ANO10: variants seen among roughly 807,000 people sequenced by gnomAD.
The protein encoded by ANO10 is anoctamin 10, also known as anoctamin-10.
A neutral mutation model predicts 74.7 loss-of-function variants in ANO10; 77 were observed. The ratio of observed to expected loss-of-function variants is 1.03; its 90% CI spans 0.86 to 1.25. ANO10 has a LOEUF of 1.25. Ranked by LOEUF, ANO10 falls within the 50% of genes most tolerant of loss-of-function variation. The pLI is 0.00. For synonymous variants in ANO10, 279 were observed against 284.9 expected, an observed-to-expected ratio of 0.98 and a Z score of 0.21; for missense variants, 721 against 778.1, an observed-to-expected ratio of 0.93 and a Z score of 0.87.
intron 1 of ANO10, among the ~76,000 whole-genome samples, chr3:43,651,746 C>A (rs1035186955): frequency 6.6e-6 from 1 of 152,066 alleles, no homozygotes; most frequent in Non-Finnish European, 1.5e-5. Context: ...CTTGCCTGGC[C>A]CTTAATAACA....
At chr3:43,632,844 T>C (rs1486813431) in intron 1 of ANO10, among the ~76,000 whole-genome samples, 1 of 152,186 alleles carries the variant, frequency 6.6e-6, no homozygotes, top group East Asian at 1.9e-4. Flanking sequence ...ATAATGAAAA[T>C]AGTTTAGATG....
chr3:43,387,040 A>C (rs1049855537), intron 12 of ANO10, among the ~76,000 whole-genome samples: 1 of 152,156 alleles, frequency 6.6e-6, no homozygotes, highest in Non-Finnish European at 1.5e-5. Context: ...ACGTTCTGAG[A>C]ACTGTATTGT....
chr3:43,466,388 C>CAACAA (rs1553677056), intron 11 of ANO10, among the ~76,000 whole-genome samples: 25 of 87,462 alleles, frequency 2.9e-4, no homozygotes, highest in African/African-American at 5.8e-4. Context: ...AAAAAAAAAA[C>CAACAA]AAACAAAAAA....
chr3:43,572,345 G>C (rs919309787), intron 7 of ANO10, among the ~76,000 whole-genome samples: 1 of 152,160 alleles, frequency 6.6e-6, no homozygotes, highest in African/African-American at 2.4e-5. Context: ...GCACTGGCAA[G>C]AAGGACCCTA....
chr3:43,626,064 G>A (rs1471815251), upstream of ANO10, among the ~76,000 whole-genome samples: 2 of 151,848 alleles, frequency 1.3e-5, no homozygotes, highest in Non-Finnish European at 2.9e-5. Context: ...CTCCCAAGAA[G>A]CTGGGACTAC....
chr3:43,402,802 A>C (rs2092507272), intron 12 of ANO10, among the ~76,000 whole-genome samples: 1 of 152,202 alleles, frequency 6.6e-6, no homozygotes, highest in African/African-American at 2.4e-5. Context: ...CCCTATTAAA[A>C]ACAACTGAAC....
At chr3:43,530,727 A>C (rs1575354744) in intron 11 of ANO10, among the ~76,000 whole-genome samples, 1 of 152,286 alleles carries the variant, frequency 6.6e-6, no homozygotes, top group South Asian at 2.1e-4. Flanking sequence ...TGTTGTTAAT[A>C]TCTTACTGTC....
chr3:43,567,011 AAGGCTCG>A (rs1261996120), intron 7 of ANO10, among the ~76,000 whole-genome samples: 1 of 152,202 alleles, frequency 6.6e-6, no homozygotes, highest in South Asian at 2.1e-4. Flanking sequence ...GCTGAAAACC[AAGGCTCG>A]AGAACTACGT....
chr3:43,479,313 T>G (rs1189043852), intron 11 of ANO10, among the ~76,000 whole-genome samples: 1 of 152,228 alleles, frequency 6.6e-6, no homozygotes, highest in Non-Finnish European at 1.5e-5. Flanking sequence ...TTATCCTATT[T>G]ACATTTTAAA....
intron 11 of ANO10, among the ~76,000 whole-genome samples, chr3:43,493,468 A>T (rs971554764): frequency 6.6e-6 from 1 of 152,250 alleles, no homozygotes; most frequent in Non-Finnish European, 1.5e-5. Flanking sequence ...TCTTCAGGAC[A>T]TCAGACAATT....
chr3:43,498,247 G>A (rs1189214890), intron 11 of ANO10, among the ~76,000 whole-genome samples: 1 of 152,176 alleles, frequency 6.6e-6, no homozygotes, highest in African/African-American at 2.4e-5. Context: ...GGAGACAGTG[G>A]GAGTTTTCCT....
At chr3:43,372,968 C>T (rs2091670976) in intron 12 of ANO10, 6 of 972,052 alleles carry the variant, frequency 6.2e-6, no homozygotes, top group Non-Finnish European at 9.0e-6. Flanking sequence ...TCATGTAACA[C>T]ATATTCAAGT....
chr3:43,467,528 G>A (rs999572886), intron 11 of ANO10, among the ~76,000 whole-genome samples: 4 of 152,214 alleles, frequency 2.6e-5, no homozygotes, highest in Admixed American at 2.6e-4. Flanking sequence ...ATGAATTTCT[G>A]TAACAGGCCA....
Position 43,599,966 on chromosome 3 carries a change from T to C in ANO10, c.337+418A>G, listed in dbSNP as rs180780618. Among the ~76,000 whole-genome samples the C allele has an allele frequency of 1.7e-4, 26 of 152,218 alleles. 1 individual carries two copies. In the East Asian group the frequency reaches 5.0e-3, roughly 29 times the overall value. On this transcript the variant is annotated intron_variant, in intron 3 of 12. Coordinates refer to ENST00000292246, the MANE Select transcript of ANO10 (RefSeq NM_018075.5). ...GTGTATTTTGTTGACTTAGAATTGA[T>C]TGGTGACAATCATTCTGCTTTCAAA... is the stretch of plus-strand genomic sequence containing the variant.
chr3:43,684,220 C>A (rs1405230777), intron 1 of ANO10, among the ~76,000 whole-genome samples: 4 of 151,770 alleles, frequency 2.6e-5, no homozygotes, highest in Non-Finnish European at 5.9e-5. Flanking sequence ...CAATGAACTC[C>A]AACAAATTTA....
chr3:43,489,059 C>T (rs910550975), intron 11 of ANO10, among the ~76,000 whole-genome samples: 2 of 151,168 alleles, frequency 1.3e-5, no homozygotes, highest in African/African-American at 4.9e-5. Context: ...TCTCAGTAAA[C>T]TATCACAAGA....
intron 11 of ANO10, among the ~76,000 whole-genome samples, chr3:43,516,411 A>G (rs1418765631): frequency 6.6e-6 from 1 of 152,172 alleles, no homozygotes; most frequent in African/African-American, 2.4e-5. Flanking sequence ...TATGCCTATA[A>G]TACAGTATGC....
At chr3:43,619,616 A>G (rs1402679345) in intron 1 of ANO10, among the ~76,000 whole-genome samples, 1 of 151,964 alleles carries the variant, frequency 6.6e-6, no homozygotes, top group African/African-American at 2.4e-5. Flanking sequence ...TTGGGAGTCC[A>G]TGGGGGGTGG....
intron 1 of ANO10, among the ~76,000 whole-genome samples, chr3:43,683,506 G>GAGGTAATT (rs1306672774): frequency 2.0e-5 from 3 of 151,982 alleles, no homozygotes; most frequent in African/African-American, 7.3e-5. Flanking sequence ...CATACTGCCC[G>GAGGTAATT]AGGTAATTTA....
Sources: gnomAD v4.1 joint callset for allele counts (sites outside exome capture counted in the v4.1 genomes callset) on GRCh38, gnomAD v4.1.1 for gene constraint, MANE v1.5 for transcripts, NCBI Gene and HGNC (gene_info 2026-07-23, HGNC 2026-07-21) for gene names.